Variants in ZSCAN4 observed in about 807,000 individuals in gnomAD.
ZSCAN4 encodes the protein zinc finger and SCAN domain-containing protein 4.
A neutral mutation model predicts 18.3 loss-of-function variants in ZSCAN4; 18 were observed. The observed-to-expected ratio is 0.98, with a 90% CI of 0.68 to 1.46. ZSCAN4 has a LOEUF of 1.46. ZSCAN4 is among the 40% of genes most tolerant of loss of function. ZSCAN4 has a pLI of 0.00. For missense variants in ZSCAN4, 498 were observed against 511.4 expected, an observed-to-expected ratio of 0.97 and a Z score of 0.25; for synonymous variants, 193 against 180.3, an observed-to-expected ratio of 1.07 and a Z score of -0.57.
chr19:57,655,746 G>A, the ZSCAN4 span, among the ~76,000 whole-genome samples: 7,813 of 151,950 alleles, frequency 0.051, 269 homozygotes, highest in African/African-American at 0.088. Context: ...AAGGACCTTT[G>A]ACTCTGAACT....
upstream of ZSCAN4, among the ~76,000 whole-genome samples, chr19:57,665,677 T>C (rs1983832878): frequency 6.6e-6 from 1 of 152,074 alleles, no homozygotes; most frequent in South Asian, 2.1e-4. Context: ...CCCAACACTT[T>C]GGGAGGCTGA....
chr19:57,676,033 A>G lies in ZSCAN4; in HGVS notation c.-105-8A>G. 9.2e-7 allele frequency: 1 copy of G among 1,091,774 alleles called. No homozygotes were observed. The highest frequency in any genetic ancestry group is 1.3e-6 in the Non-Finnish European group (1 of 780,684). 67.6% of individuals were successfully genotyped at this position (1,091,774 alleles called of 1,614,324 possible). A position where few individuals can be genotyped will look rare whatever the true frequency, so the allele number is the denominator to read the frequency against. On this transcript the variant is annotated splice_polypyrimidine_tract_variant and splice_region_variant and intron_variant, in intron 2 of 4. Coordinates refer to ENST00000318203, the Ensembl canonical transcript of ZSCAN4. The stretch of plus-strand genomic sequence containing the variant: ...GCAATTAATTACTCATCTCTTTTCT[A>G]TTTCTAGCTTGCAGTTTTAAAGAAT...
chr19:57,675,391 A>G (rs1413243106), intron 2 of ZSCAN4, among the ~76,000 whole-genome samples: 8 of 151,778 alleles, frequency 5.3e-5, no homozygotes, highest in Non-Finnish European at 7.4e-5. Flanking sequence ...CAGGTGATCC[A>G]CCTGCCTCAG....
chr19:57,653,770 G>A, the ZSCAN4 span, among the ~76,000 whole-genome samples: 1 of 152,188 alleles, frequency 6.6e-6, no homozygotes, highest in Non-Finnish European at 1.5e-5. Flanking sequence ...TTTAAGTGCA[G>A]CCAACAGGGT....
chr19:57,676,711 TC>T (rs1984201818), intron 3 of ZSCAN4, among the ~76,000 whole-genome samples, 170 bp downstream of exon 3: 1 of 152,118 alleles, frequency 6.6e-6, no homozygotes, highest in Non-Finnish European at 1.5e-5. Flanking sequence ...TCCTAAGTTC[TC>T]AAGAAAAAAA....
At chr19:57,665,393 G>A (rs1983827134), upstream of ZSCAN4, among the ~76,000 whole-genome samples, 1 of 152,108 alleles carries the variant, frequency 6.6e-6, no homozygotes, top group Non-Finnish European at 1.5e-5. Context: ...CTTACCATTT[G>A]TGTAGGCTGC....
the ZSCAN4 span, among the ~76,000 whole-genome samples, chr19:57,663,423 C>T: frequency 6.8e-6 from 1 of 147,502 alleles, no homozygotes; most frequent in Non-Finnish European, 1.5e-5. Context: ...GAGTGGCTCA[C>T]GCCTGTAATC....
At chr19:57,671,402 A>C (rs1984018056) in intron 2 of ZSCAN4, among the ~76,000 whole-genome samples, 1 of 151,648 alleles carries the variant, frequency 6.6e-6, no homozygotes, top group South Asian at 2.1e-4. Context: ...AAGTGTGAAC[A>C]TGTGGTCTGT....
chr19:57,659,951 G>A, the ZSCAN4 span, among the ~76,000 whole-genome samples: 1 of 152,140 alleles, frequency 6.6e-6, no homozygotes, highest in African/African-American at 2.4e-5. Context: ...ATACTCAAAT[G>A]TTCTTCGCAA....
At position 57,676,597 on chromosome 19, in the gene ZSCAN4, T is replaced by A. The variant is rs1052897221; in HGVS notation, c.396+56T>A. The A allele has an allele frequency of 5.9e-6, 9 of 1,534,410 alleles. No individual in the cohort carries two copies. In the African/African-American group the frequency reaches 9.7e-5, roughly 17 times the overall value. ...GAGACAAAGGAAAGTAAGGAATAAA[T>A]CACAGTCAGTTAGAGTTGTCTGGAA... On this transcript the variant is annotated intron_variant, in intron 3 of 4. Coordinates refer to ENST00000318203, the Ensembl canonical transcript of ZSCAN4.
At chr19:57,660,060 T>C in the ZSCAN4 span, among the ~76,000 whole-genome samples, 1 of 152,286 alleles carries the variant, frequency 6.6e-6, no homozygotes, top group South Asian at 2.1e-4. Flanking sequence ...CAAATCTTTA[T>C]CTCAGGTTCA....
At chr19:57,677,468 G>A (rs961773084) in intron 3 of ZSCAN4, among the ~76,000 whole-genome samples, 1 of 151,956 alleles carries the variant, frequency 6.6e-6, no homozygotes, top group African/African-American at 2.4e-5. Context: ...AAGTGACACT[G>A]AAGTAAAATG....
At chr19:57,675,777 G>A (rs372549656) in intron 2 of ZSCAN4, among the ~76,000 whole-genome samples, 65 of 152,182 alleles carry the variant, frequency 4.3e-4, no homozygotes, top group African/African-American at 1.3e-3. Flanking sequence ...CACCATTTGC[G>A]ATGTATATGT....
the ZSCAN4 span, among the ~76,000 whole-genome samples, chr19:57,658,947 G>A: frequency 1.3e-5 from 2 of 151,810 alleles, no homozygotes; most frequent in Admixed American, 1.3e-4. Context: ...AATAACTCAT[G>A]GTCCATTATT....
chr19:57,662,536 A>G, the ZSCAN4 span, among the ~76,000 whole-genome samples: 1,249 of 152,146 alleles, frequency 8.2e-3, 13 homozygotes, highest in African/African-American at 0.028. Flanking sequence ...AAATATTTTT[A>G]CCGCTGAGAG....
At chr19:57,651,735 G>A in the ZSCAN4 span, among the ~76,000 whole-genome samples, 81 of 152,270 alleles carry the variant, frequency 5.3e-4, 1 homozygote, top group South Asian at 6.8e-3. Context: ...CTCATCCCAG[G>A]TGAATTCCCA....
chr19:57,663,520 T>TAAAAAAAAAAAAAAAA, the ZSCAN4 span, among the ~76,000 whole-genome samples: 12 of 66,574 alleles, frequency 1.8e-4, no homozygotes, highest in African/African-American at 7.1e-4. Context: ...ACCATGTCTC[T>TAAAAAAAAAAAAAAAA]AAAAAAAAAA....
At chr19:57,661,331 T>C in the ZSCAN4 span, among the ~76,000 whole-genome samples, 1 of 152,168 alleles carries the variant, frequency 6.6e-6, no homozygotes, top group Non-Finnish European at 1.5e-5. Context: ...TACATAAATT[T>C]TGCAAGATCT....
the ZSCAN4 span, among the ~76,000 whole-genome samples, chr19:57,660,239 A>G: frequency 2.1e-5 from 3 of 140,656 alleles, no homozygotes; most frequent in Non-Finnish European, 3.3e-5. Context: ...TTGGAACACG[A>G]AAGAGTTTAT....
Sources: gnomAD v4.1 joint callset for allele counts (sites outside exome capture counted in the v4.1 genomes callset) on GRCh38, gnomAD v4.1.1 for gene constraint, MANE v1.5 for transcripts, NCBI Gene and HGNC (gene_info 2026-07-23, HGNC 2026-07-21) for gene names.